Variants in FGF12 observed in about 807,000 individuals in gnomAD.
FGF12 encodes fibroblast growth factor 12.
A neutral mutation model predicts 23.6 loss-of-function variants in FGF12; 14 were observed. That is an observed-to-expected ratio of 0.59 (90% CI 0.39 to 0.93). The LOEUF (loss-of-function observed/expected upper bound fraction) is 0.93. Among genes scored for constraint, FGF12 ranks in the 40% least tolerant of loss-of-function variants. The probability of loss-of-function intolerance (pLI) is 0.00; values close to 1 mark genes in which losing one functional copy is unlikely to be tolerated. For synonymous variants in FGF12, 62 were observed against 77.3 expected (o/e 0.80, Z 1.04); for missense variants, 175 against 217.8 (o/e 0.80, Z 1.24).
intron 4 of FGF12, among the ~76,000 whole-genome samples, chr3:192,282,556 C>A (rs1714209906): frequency 6.6e-6 from 1 of 152,032 alleles, no homozygotes; most frequent in African/African-American, 2.4e-5. Context: ...ATGACTATAT[C>A]TTTGTTTTCA....
intron 2 of FGF12, among the ~76,000 whole-genome samples, chr3:192,571,185 G>A (rs1172903991): frequency 6.6e-6 from 1 of 152,234 alleles, no homozygotes; most frequent in Non-Finnish European, 1.5e-5. Flanking sequence ...AATGTCAAAT[G>A]TGAAACCTTT....
rs189170788 is a variant in FGF12 at position 192,454,078 on chromosome 3, G to A, written c.14-93540C>T. ...TTTTGAGATGGAGTCTAGCTCTGTCGCCCAGGCTGCAGTGCAGTGACGCAA... is the reference window on the plus strand; with the variant it reads ...TTTTGAGATGGAGTCTAGCTCTGTCACCCAGGCTGCAGTGCAGTGACGCAA... On this transcript the variant is annotated intron_variant, in intron 2 of 5. Coordinates refer to ENST00000445105, the MANE Select transcript of FGF12 (RefSeq NM_004113.6). Among the ~76,000 whole-genome samples, 1,271 of 150,392 alleles carry A rather than the reference G, an allele frequency of 8.5e-3. 16 individuals carry two copies. Among genetic ancestry groups the A allele is most frequent in the African/African-American group, 0.03 (1,216 of 40,824 alleles).
rs530204022 is a variant in FGF12 at position 192,295,985 on chromosome 3, G to A, written c.228+39376C>T. On this transcript the variant is annotated intron_variant, in intron 4 of 5. Transcript: ENST00000445105. ...CAACCTCCATCTACCAGGCTCAAGC[G>A]ATCCTCCCACCTCAGCCTCCCAAGT... is the stretch of plus-strand genomic sequence containing the variant. 1.0e-4 allele frequency among the ~76,000 whole-genome samples: 15 copies of A among 150,628 alleles called. No homozygotes were observed. The South Asian group carries it at 2.9e-3, about 29-fold the overall frequency.
intron 4 of FGF12, among the ~76,000 whole-genome samples, chr3:192,274,811 A>G (rs952931604): frequency 8.5e-5 from 13 of 152,216 alleles, no homozygotes; most frequent in African/African-American, 3.1e-4. Context: ...TTTTGCAAGT[A>G]AACTGGTTTC....
In FGF12 at chr3:192,409,705, T is replaced by G. The variant is rs1366410101; in HGVS notation, c.14-49167A>C. Among the ~76,000 whole-genome samples, 1 of 152,038 alleles carries G rather than the reference T, an allele frequency of 6.6e-6. No homozygotes were observed. Among genetic ancestry groups the G allele is most frequent in the African/African-American group, 2.4e-5 (1 of 41,422 alleles). On this transcript the variant is annotated intron_variant, in intron 2 of 5. Coordinates refer to ENST00000445105, the MANE Select transcript of FGF12 (RefSeq NM_004113.6). The surrounding 1 kb of genome is among the most constrained non-coding windows in gnomAD (Gnocchi z 4.8). ...GGCTCCTGGCCGGAGCTGCCCACCA[T>G]GGTCTGGCGCCAGGGGCGCAGGCGG...
At chr3:192,399,551 A>G (rs1720670971) in intron 2 of FGF12, among the ~76,000 whole-genome samples, 1 of 152,244 alleles carries the variant, frequency 6.6e-6, no homozygotes, top group Non-Finnish European at 1.5e-5. Context: ...TTCTAGGCAT[A>G]ATGGATGTGT....
At chr3:192,541,134 T>C (rs1169255109) in intron 2 of FGF12, among the ~76,000 whole-genome samples, 1 of 152,194 alleles carries the variant, frequency 6.6e-6, no homozygotes, top group African/African-American at 2.4e-5. Context: ...CAAGTTGTTA[T>C]TGATAAGCAA....
intron 2 of FGF12, among the ~76,000 whole-genome samples, chr3:192,458,412 G>T (rs1289957839): frequency 6.6e-6 from 1 of 152,170 alleles, no homozygotes; most frequent in Non-Finnish European, 1.5e-5. Context: ...GGGCAGAGCT[G>T]CCCAAGACCA....
chr3:192,486,819 T>C lies in FGF12; in HGVS notation c.14-126281A>G, dbSNP rs534207371. ...GTCATGAATAAACACTGAACACTCA[T>C]AGATGGACAAGGATACGACCTCTTT... On this transcript the variant is annotated intron_variant, in intron 2 of 5. Coordinates refer to ENST00000445105, the MANE Select transcript of FGF12 (RefSeq NM_004113.6). Among the ~76,000 whole-genome samples, 190 of 152,166 alleles carry C rather than the reference T, an allele frequency of 1.2e-3. 1 individual carries two copies. The highest frequency in any genetic ancestry group is 4.2e-3 in the African/African-American group (175 of 41,520).
chr3:192,412,274 T>A (rs1488037466), intron 2 of FGF12, among the ~76,000 whole-genome samples: 1 of 152,202 alleles, frequency 6.6e-6, no homozygotes, highest in Non-Finnish European at 1.5e-5. Flanking sequence ...GATTTTTTTC[T>A]GTAGGTTTAT....
intron 5 of FGF12, among the ~76,000 whole-genome samples, chr3:192,166,782 A>G (rs1715183418): frequency 6.6e-6 from 1 of 152,224 alleles, no homozygotes; most frequent in South Asian, 2.1e-4. Flanking sequence ...GACAAAAGAT[A>G]AAGACATTTA....
chr3:192,321,975 C>T (rs1295604436), intron 4 of FGF12, among the ~76,000 whole-genome samples: 2 of 151,852 alleles, frequency 1.3e-5, no homozygotes, highest in Non-Finnish European at 2.9e-5. Flanking sequence ...CTAGAACAAT[C>T]AGACAAGAGA....
chr3:192,586,163 G>A (rs938736413), intron 2 of FGF12, among the ~76,000 whole-genome samples: 1 of 152,130 alleles, frequency 6.6e-6, no homozygotes, highest in African/African-American at 2.4e-5. Flanking sequence ...TTTTCAGGGG[G>A]GTGGGGATAT....
At chr3:192,278,853 C>A (rs1041827228) in intron 4 of FGF12, among the ~76,000 whole-genome samples, 1 of 152,142 alleles carries the variant, frequency 6.6e-6, no homozygotes, top group Admixed American at 6.5e-5. Context: ...TAACAATTCT[C>A]TGGTTCCCTT....
Position 192,408,007 on chromosome 3 carries a change from C to G in FGF12, c.14-47469G>C, listed in dbSNP as rs1337273032. The G allele has an allele frequency of 6.3e-7, 1 of 1,593,842 alleles. No homozygotes were observed. Among genetic ancestry groups the G allele is most frequent in the African/African-American group, 1.3e-5 (1 of 74,492 alleles). On this transcript the variant is annotated intron_variant, in intron 2 of 5. Coordinates refer to ENST00000445105, the MANE Select transcript of FGF12 (RefSeq NM_004113.6). The surrounding 1 kb of genome is among the most constrained non-coding windows in gnomAD (Gnocchi z 7.3). ...GGGCGTCCCCTCTGGGGAGCCCACT[C>G]TCCGGGCTTCTACTGACCTGGTCTC...
intron 4 of FGF12, among the ~76,000 whole-genome samples, chr3:192,267,809 A>C (rs1048336165): frequency 1.3e-5 from 2 of 152,226 alleles, no homozygotes; most frequent in Non-Finnish European, 2.9e-5. Flanking sequence ...AAATTATAAA[A>C]TATGATTTCT....
rs773655231 is a variant in FGF12, at chr3:192,378,021, CTTTCT to C, written c.14-17488_14-17484del. Among the ~76,000 whole-genome samples the C allele has an allele frequency of 8.9e-3, 635 of 71,262 alleles. 94 individuals are homozygous for C. The highest frequency in any genetic ancestry group is 0.05 in the African/African-American group (590 of 11,800). The allele number at this position is 71,262 out of a possible 152,430, so 46.8% of individuals were successfully genotyped here. A position where few individuals can be genotyped will look rare whatever the true frequency, so the allele number is the denominator to read the frequency against. On this transcript the variant is annotated intron_variant, in intron 2 of 5. Transcript: ENST00000445105. ...TAGACGAGATCCCTTTCTTCTGACT[CTTTCT>C]TTTCTTTCTTTCTTTCTTTCTTTCT...
chr3:192,176,781 T>C (rs1233664803), intron 4 of FGF12, among the ~76,000 whole-genome samples: 1 of 152,208 alleles, frequency 6.6e-6, no homozygotes, highest in Non-Finnish European at 1.5e-5. Flanking sequence ...TAATAACAAA[T>C]AACAACCATT....
chr3:192,310,937 C>T (rs77877415), intron 4 of FGF12, among the ~76,000 whole-genome samples: 2,344 of 152,206 alleles, frequency 0.015, 64 homozygotes, highest in African/African-American at 0.054. Context: ...TGGTCCATCA[C>T]CAGAGTGTTA....
Sources: gnomAD v4.1 joint callset for allele counts (sites outside exome capture counted in the v4.1 genomes callset) on GRCh38, gnomAD v4.1.1 for gene constraint, Gnocchi (gnomAD v3.1) non-coding constraint, MANE v1.5 for transcripts, NCBI Gene and HGNC (gene_info 2026-07-23, HGNC 2026-07-21) for gene names.